Variants in BMPR2 observed in about 807,000 individuals in gnomAD.
BMPR2 encodes bone morphogenetic protein receptor type-2.
Under a neutral mutation model 100.8 loss-of-function variants are expected in BMPR2, and 29 were observed. That is an observed-to-expected ratio of 0.29 (90% confidence interval 0.21 to 0.39). BMPR2 has a LOEUF of 0.39. Among genes scored for constraint, BMPR2 ranks in the 10% least tolerant of loss-of-function variants. The pLI is 1.00. For synonymous variants in BMPR2, 382 were observed against 442.3 expected (o/e 0.86, Z 1.71); for missense variants, 1,011 against 1,274.5 (o/e 0.79, Z 3.15).
At position 202,540,214 on chromosome 2, in the gene BMPR2, T is replaced by C. The variant is rs375979421; in HGVS notation, c.1277-2097T>C. 2.0e-5 allele frequency among the ~76,000 whole-genome samples: 3 copies of C among 152,310 alleles called. No homozygotes were observed. In the East Asian group the frequency reaches 5.8e-4, roughly 29 times the overall value. On this transcript the variant is annotated intron_variant, in intron 9 of 12. Transcript: ENST00000374580. ...AAGAGTGAAATTGTGAATTTTTAGT[T>C]ATTCTACTAAACCAGCATTTGAAAA...
intron 7 of BMPR2, 35 bp downstream of exon 7, chr2:202,520,236 T>A (rs753479488): frequency 2.5e-5 from 36 of 1,465,242 alleles, no homozygotes; most frequent in East Asian, 1.4e-4. Context: ...GACACTCATG[T>A]GGGTTCAAAA....
At chr2:202,548,343 A>G (rs768142935) in intron 10 of BMPR2, among the ~76,000 whole-genome samples, 32 of 152,062 alleles carry the variant, frequency 2.1e-4, no homozygotes, top group Non-Finnish European at 2.5e-4. Flanking sequence ...TCTAAGCTAC[A>G]TAGGAGGCTG....
In BMPR2 at chr2:202,532,756, A is replaced by C; in HGVS notation, c.1276+24A>C. On this transcript the variant is annotated intron_variant, in intron 9 of 12. Coordinates refer to ENST00000374580, the MANE Select transcript of BMPR2 (RefSeq NM_001204.7). This position sits in a 1 kb window ranked among gnomAD's most constrained non-coding sequence, Gnocchi z 4.1. Reference sequence around the variant, plus strand: ...AGGTAAAAACTACTGTCAAAAGTTGATATTTTTTGAAGTGAAGCAGTTATA... The same window carrying C: ...AGGTAAAAACTACTGTCAAAAGTTGCTATTTTTTGAAGTGAAGCAGTTATA... 1 of 1,607,080 alleles carries C rather than the reference A, an allele frequency of 6.2e-7. No homozygotes were observed. The highest frequency in any genetic ancestry group is 8.5e-7 in the Non-Finnish European group (1 of 1,178,514).
intron 1 of BMPR2, among the ~76,000 whole-genome samples, chr2:202,434,933 A>ATATATT (rs1483284948): frequency 2.1e-4 from 17 of 82,038 alleles, no homozygotes; most frequent in South Asian, 9.5e-4. Flanking sequence ...ATATATATAT[A>ATATATT]TATTTATTTA....
intron 11 of BMPR2, 58 bp from the exon 12 acceptor site, chr2:202,555,194 A>G: frequency 2.7e-6 from 4 of 1,471,752 alleles, no homozygotes; most frequent in Non-Finnish European, 3.8e-6. Context: ...TTAAATTTGG[A>G]GAGACAGTTT....
At chr2:202,502,744 G>C (rs1346862467) in intron 3 of BMPR2, among the ~76,000 whole-genome samples, 3 of 152,186 alleles carry the variant, frequency 2.0e-5, no homozygotes, top group Admixed American at 1.3e-4. Context: ...TAGGGGAAGA[G>C]TGTTGTTTTT....
intron 1 of BMPR2, among the ~76,000 whole-genome samples, chr2:202,453,593 G>A (rs1692031663): frequency 2.6e-5 from 4 of 152,112 alleles, no homozygotes; most frequent in Admixed American, 2.6e-4. Flanking sequence ...TTGTTTGTGG[G>A]AGCTCAAAAT....
intron 10 of BMPR2, among the ~76,000 whole-genome samples, chr2:202,548,987 T>C (rs1688423596): frequency 6.6e-6 from 1 of 152,190 alleles, no homozygotes; most frequent in African/African-American, 2.4e-5. Context: ...TGTGAACATG[T>C]CAATTACCCC....
At chr2:202,410,741 G>A (rs962375659) in intron 1 of BMPR2, among the ~76,000 whole-genome samples, 8 of 152,032 alleles carry the variant, frequency 5.3e-5, no homozygotes, top group South Asian at 2.1e-4. Context: ...TGCCACGCCC[G>A]GCTAATTTTT....
intron 4 of BMPR2, among the ~76,000 whole-genome samples, chr2:202,514,524 G>C (rs1202160245): frequency 1.3e-5 from 2 of 152,152 alleles, no homozygotes; most frequent in Admixed American, 6.6e-5. Context: ...CAAATGTCAA[G>C]TTGGTTCTAA....
chr2:202,416,414 C>T (rs1193359448), intron 1 of BMPR2, among the ~76,000 whole-genome samples: 1 of 150,550 alleles, frequency 6.6e-6, no homozygotes, highest in Non-Finnish European at 1.5e-5. Flanking sequence ...GTGTGCACTA[C>T]CACACCTGGA....
chr2:202,405,873 A>T (rs1690880833), intron 1 of BMPR2, among the ~76,000 whole-genome samples: 1 of 152,180 alleles, frequency 6.6e-6, no homozygotes, highest in South Asian at 2.1e-4. Flanking sequence ...TTTACTGTTC[A>T]TCCCTATATG....
chr2:202,491,442 G>A (rs1416512198), intron 3 of BMPR2, among the ~76,000 whole-genome samples: 2 of 148,220 alleles, frequency 1.3e-5, no homozygotes, highest in African/African-American at 5.0e-5. Context: ...ATTTTTTTTT[G>A]AGATGGAGTT....
chr2:202,527,489 A>C (rs1237748268), intron 7 of BMPR2, among the ~76,000 whole-genome samples: 1 of 149,490 alleles, frequency 6.7e-6, no homozygotes, highest in African/African-American at 2.5e-5. Context: ...ACTCCATCTC[A>C]AAAATAAATA....
chr2:202,413,348 G>A (rs934577341), intron 1 of BMPR2, among the ~76,000 whole-genome samples: 1 of 152,176 alleles, frequency 6.6e-6, no homozygotes, highest in Non-Finnish European at 1.5e-5. Flanking sequence ...TCAGTCATGA[G>A]TTATACAGGC....
intron 1 of BMPR2, among the ~76,000 whole-genome samples, chr2:202,451,786 G>A (rs1411083921): frequency 6.6e-6 from 1 of 152,008 alleles, no homozygotes; most frequent in Non-Finnish European, 1.5e-5. Flanking sequence ...TTTCACCCTT[G>A]TTGCCCAGGC....
chr2:202,390,484 A>G (rs1045359898), intron 1 of BMPR2, among the ~76,000 whole-genome samples: 11 of 151,868 alleles, frequency 7.2e-5, no homozygotes, highest in African/African-American at 2.7e-4. Context: ...GGCACGTGCC[A>G]CCATGCCTGG....
chr2:202,397,277 C>T (rs1284098283), intron 1 of BMPR2, among the ~76,000 whole-genome samples: 1 of 152,128 alleles, frequency 6.6e-6, no homozygotes, highest in African/African-American at 2.4e-5. Context: ...AATTATGAAA[C>T]TATAGTGATT....
At chr2:202,421,769 T>G (rs1691268002) in intron 1 of BMPR2, among the ~76,000 whole-genome samples, 1 of 150,834 alleles carries the variant, frequency 6.6e-6, no homozygotes, top group African/African-American at 2.4e-5. Flanking sequence ...CACTAGAAGA[T>G]TCATAGATGT....
Sources: gnomAD v4.1 joint callset for allele counts (sites outside exome capture counted in the v4.1 genomes callset) on GRCh38, gnomAD v4.1.1 for gene constraint, Gnocchi (gnomAD v3.1) non-coding constraint, MANE v1.5 for transcripts, NCBI Gene and HGNC (gene_info 2026-07-23, HGNC 2026-07-21) for gene names.